MARK3: variants seen among roughly 807,000 people sequenced by gnomAD.
MARK3 encodes microtubule affinity regulating kinase 3, also known as MAP/microtubule affinity-regulating kinase 3.
MARK3 carries 46 observed loss-of-function variants against 90.1 expected under a neutral mutation model. The ratio of observed to expected loss-of-function variants is 0.51; its 90% CI spans 0.40 to 0.65. The LOEUF (loss-of-function observed/expected upper bound fraction) is 0.65. MARK3 is among the 30% of genes least tolerant of loss of function. The probability of loss-of-function intolerance (pLI) is 0.00; values close to 1 mark genes in which losing one functional copy is unlikely to be tolerated. For missense variants in MARK3, 818 were observed against 947.2 expected, an observed-to-expected ratio of 0.86 and a Z score of 1.79; for synonymous variants, 321 against 332.6, an observed-to-expected ratio of 0.97 and a Z score of 0.38.
intron 13 of MARK3, 99 bp downstream of exon 13, chr14:103,475,309 A>T (rs2093695731): frequency 5.2e-6 from 5 of 955,060 alleles, no homozygotes; most frequent in Non-Finnish European, 8.2e-6. Context: ...TCGTACTGGA[A>T]TGCCCTCTCT....
chr14:103,466,237 T>C lies in MARK3; in HGVS notation c.898-106T>C. On this transcript the variant is annotated intron_variant, in intron 9 of 17. Transcript: ENST00000429436. Reference sequence around the variant, plus strand: ...CATTAAAAAATATTTTTTGAGTTTATGCTTTGAACGATAGTCAATGAAATG... The same window carrying C: ...CATTAAAAAATATTTTTTGAGTTTACGCTTTGAACGATAGTCAATGAAATG... 2.3e-6 allele frequency: 3 copies of C among 1,313,708 alleles called. No individual in the cohort carries two copies. The East Asian group carries it at 7.1e-5, about 31-fold the overall frequency. The allele number at this position is 1,313,708 out of a possible 1,614,324, so 81.4% of individuals were successfully genotyped here. A position where few individuals can be genotyped will look rare whatever the true frequency, so the allele number is the denominator to read the frequency against.
At chr14:103,437,397 A>C (rs530709737) in intron 3 of MARK3, among the ~76,000 whole-genome samples, 35 of 152,270 alleles carry the variant, frequency 2.3e-4, no homozygotes, top group African/African-American at 8.4e-4. Context: ...CCGTCTCAAA[A>C]AAAAAAAATA....
intron 1 of MARK3, among the ~76,000 whole-genome samples, chr14:103,398,133 T>A (rs1482184797): frequency 6.6e-6 from 1 of 152,178 alleles, no homozygotes; most frequent in Non-Finnish European, 1.5e-5. Context: ...CACATGTTAA[T>A]TTTCTCCAAC....
At chr14:103,400,830 G>A (rs1015698787) in intron 1 of MARK3, among the ~76,000 whole-genome samples, 1 of 150,770 alleles carries the variant, frequency 6.6e-6, no homozygotes, top group African/African-American at 2.5e-5. Context: ...AGGAGTTCGA[G>A]GCTGCAGTGA....
At chr14:103,476,258 G>A (rs534977090) in intron 13 of MARK3, among the ~76,000 whole-genome samples, 1 of 152,292 alleles carries the variant, frequency 6.6e-6, no homozygotes, top group African/African-American at 2.4e-5. Context: ...GGAAGCCTAC[G>A]TGCACACACG....
intron 2 of MARK3, among the ~76,000 whole-genome samples, chr14:103,411,745 C>A (rs1197128276): frequency 6.6e-6 from 1 of 151,996 alleles, no homozygotes; most frequent in Non-Finnish European, 1.5e-5. Context: ...GCCTCAGCCT[C>A]CTGAGTAAGT....
chr14:103,435,881 A>G (rs961563999), intron 3 of MARK3, among the ~76,000 whole-genome samples: 1 of 151,322 alleles, frequency 6.6e-6, no homozygotes, highest in African/African-American at 2.4e-5. Context: ...ACCACACCCA[A>G]CTAAAGTAAC....
chr14:103,500,078 A>G (rs760085842), intron 16 of MARK3, 78 bp from the exon 17 acceptor site: 4 of 1,070,822 alleles, frequency 3.7e-6, no homozygotes, highest in African/African-American at 1.6e-5. Flanking sequence ...TGGTGTTGGT[A>G]TTGGTGGTCA....
At chr14:103,470,723 C>T (rs2093612532) in intron 12 of MARK3, among the ~76,000 whole-genome samples, 1 of 151,990 alleles carries the variant, frequency 6.6e-6, no homozygotes, top group Non-Finnish European at 1.5e-5. Flanking sequence ...TCCCAAAGTG[C>T]TCGGATTACA....
chr14:103,386,169 G>A (rs1295033166), intron 1 of MARK3, 89 bp downstream of exon 1: 8 of 1,268,984 alleles, frequency 6.3e-6, no homozygotes, highest in Non-Finnish European at 9.2e-6. Flanking sequence ...GTTCCCCCCA[G>A]CCGAACGCTC....
chr14:103,445,471 T>C (rs899215770), intron 3 of MARK3, among the ~76,000 whole-genome samples: 6 of 152,166 alleles, frequency 3.9e-5, no homozygotes, highest in Non-Finnish European at 7.3e-5. Flanking sequence ...CATAAAGTTA[T>C]TTGGGCTAAT....
At chr14:103,421,344 A>G (rs1340047427) in intron 2 of MARK3, among the ~76,000 whole-genome samples, 1 of 152,238 alleles carries the variant, frequency 6.6e-6, no homozygotes, top group Non-Finnish European at 1.5e-5. Context: ...CAGTGAGCAC[A>G]GTAACTGCAT....
rs558848659 is a variant in MARK3, at chr14:103,498,709, T to C, written c.1871+181T>C. On this transcript the variant is annotated intron_variant, in intron 16 of 17. Transcript: ENST00000429436. Reference sequence around the variant, plus strand: ...GAAATAGATTAACTCTGTCAGGCATTTTAAAGGGACTATGGTACCCATGCA... The same window carrying C: ...GAAATAGATTAACTCTGTCAGGCATCTTAAAGGGACTATGGTACCCATGCA... Among the ~76,000 whole-genome samples, 11 of 152,314 alleles carry C rather than the reference T, an allele frequency of 7.2e-5. No individual in the cohort carries two copies. The South Asian group carries it at 2.3e-3, about 32-fold the overall frequency.
intron 14 of MARK3, 101 bp downstream of exon 14, chr14:103,480,591 C>T: frequency 1.5e-6 from 1 of 683,534 alleles, no homozygotes; most frequent in Non-Finnish European, 2.5e-6. Context: ...CAAATTAAAA[C>T]TGTAAGTATT....
chr14:103,496,602 A>G (rs1010371921), intron 15 of MARK3, among the ~76,000 whole-genome samples: 1 of 151,564 alleles, frequency 6.6e-6, no homozygotes, highest in African/African-American at 2.4e-5. Context: ...TAGTAGAGAC[A>G]GGGTTTCACC....
rs879734326 is a variant in MARK3, at chr14:103,396,174, G to GATC, written c.52-8902_52-8901insATC. ...TTGCCTGAGTGGGAGAGGAGACCCGGGGGTCTGTTATTTAACAGACTGATA... is the reference window on the plus strand; with the variant it reads ...TTGCCTGAGTGGGAGAGGAGACCCGGATCGGGTCTGTTATTTAACAGACTGATA... On this transcript the variant is annotated intron_variant, in intron 1 of 17. Transcript: ENST00000429436. Among the ~76,000 whole-genome samples the GATC allele has an allele frequency of 2.1e-3, 318 of 152,112 alleles. 1 individual carries two copies. The highest frequency in any genetic ancestry group is 3.8e-3 in the Non-Finnish European group (255 of 67,996).
intron 1 of MARK3, among the ~76,000 whole-genome samples, chr14:103,386,734 C>T (rs2089834614): frequency 6.6e-6 from 1 of 152,198 alleles, no homozygotes; most frequent in Non-Finnish European, 1.5e-5. Flanking sequence ...CTCTGCTCTG[C>T]CACTCACTGC....
intron 1 of MARK3, among the ~76,000 whole-genome samples, chr14:103,395,111 G>A (rs1396382433): frequency 6.6e-6 from 1 of 152,186 alleles, no homozygotes; most frequent in African/African-American, 2.4e-5. Flanking sequence ...GAAGGGATGT[G>A]TGATGGAAAG....
At chr14:103,464,289 C>CTTTTTTTTTTTTTTTTTT in intron 7 of MARK3, among the ~76,000 whole-genome samples, 1 of 68,636 alleles carries the variant, frequency 1.5e-5, no homozygotes, top group Non-Finnish European at 2.5e-5. Flanking sequence ...TGATTTGTCT[C>CTTTTTTTTTTTTTTTTTT]TTTTTTTTTT....
Sources: allele counts gnomAD v4.1 joint callset (sites outside exome capture counted in the v4.1 genomes callset), GRCh38; gene constraint gnomAD v4.1.1; transcripts MANE v1.5; gene names NCBI Gene and HGNC (gene_info 2026-07-23, HGNC 2026-07-21).